The following PPP2R5E variants were observed in gnomAD, a reference collection of about 807,000 sequenced individuals.
PPP2R5E encodes protein phosphatase 2 regulatory subunit B'epsilon.
Under a neutral mutation model 65.3 loss-of-function variants are expected in PPP2R5E, and 4 were observed. That is an observed-to-expected ratio of 0.06 (90% confidence interval 0.03 to 0.14). The LOEUF (loss-of-function observed/expected upper bound fraction) is 0.14, where lower values mean the gene tolerates loss of function less well. PPP2R5E is among the 10% of genes least tolerant of loss of function. The probability of loss-of-function intolerance (pLI) is 1.00; values close to 1 mark genes in which losing one functional copy is unlikely to be tolerated. For synonymous variants in PPP2R5E, 183 were observed against 187.4 expected (o/e 0.98, Z 0.19); for missense variants, 274 against 556.1 (o/e 0.49, Z 5.10).
At position 63,372,646 on chromosome 14, in the gene PPP2R5E, C is replaced by T. The variant is rs1327687051; in HGVS notation, c.*3363G>A. On this transcript the variant is annotated 3_prime_UTR_variant, in exon 14 of 14. Transcript: ENST00000337537. ...GCCAATAACATCCATACATCCCTTT[C>T]CCATCCCACCCTCATCCCCACAAAA... is the stretch of plus-strand genomic sequence containing the variant. 1 of 152,122 alleles carries T rather than the reference C, an allele frequency of 6.6e-6. No individual in the cohort carries two copies. The highest frequency in any genetic ancestry group is 1.5e-5 in the Non-Finnish European group (1 of 68,020). 9.4% of individuals were successfully genotyped at this position (152,122 alleles called of 1,614,324 possible).
chr14:63,489,411 G>A (rs77957382), intron 2 of PPP2R5E, among the ~76,000 whole-genome samples: 14 of 103,620 alleles, frequency 1.4e-4, no homozygotes, highest in Admixed American at 8.7e-4. Context: ...TGTTGTTGTT[G>A]TTTTCTTTTT....
chr14:63,518,882 T>C lies in PPP2R5E; in HGVS notation c.157+20647A>G, dbSNP rs1161809722. 6.6e-5 allele frequency among the ~76,000 whole-genome samples: 10 copies of C among 152,092 alleles called. No individual in the cohort carries two copies. In the East Asian group the frequency reaches 1.7e-3, roughly 26 times the overall value. ...TTCTTTTATTCCTTTACTTTCTTAA[T>C]AAACTTGCTTTCACTTAAAAAAATT... On this transcript the variant is annotated intron_variant, in intron 2 of 13. Transcript: ENST00000337537.
At chr14:63,416,708 G>GA (rs981666049) in intron 4 of PPP2R5E, among the ~76,000 whole-genome samples, 11 of 143,902 alleles carry the variant, frequency 7.6e-5, no homozygotes, top group South Asian at 2.2e-4. Context: ...TTATGTTCCT[G>GA]AAAAAAAAAG....
chr14:63,459,962 T>C (rs7143816), intron 2 of PPP2R5E, among the ~76,000 whole-genome samples: 34,535 of 152,144 alleles, frequency 0.23, 4,223 homozygotes, highest in East Asian at 0.31. Context: ...TTGGCTGCTT[T>C]TAGAAATCTT....
At chr14:63,418,841 C>CTTTTTTTTTTTT (rs772740856) in intron 4 of PPP2R5E, among the ~76,000 whole-genome samples, 1 of 105,090 alleles carries the variant, frequency 9.5e-6, no homozygotes, top group Non-Finnish European at 1.9e-5. Flanking sequence ...AATTTTTTTA[C>CTTTTTTTTTTTT]TTTTTTTTTT....
At chr14:63,420,159 A>C (rs890278440) in intron 4 of PPP2R5E, among the ~76,000 whole-genome samples, 4 of 152,180 alleles carry the variant, frequency 2.6e-5, no homozygotes, top group Non-Finnish European at 5.9e-5. Flanking sequence ...TCTTCTTTCG[A>C]ATACAGAGAA....
intron 2 of PPP2R5E, among the ~76,000 whole-genome samples, chr14:63,464,220 C>T (rs1219800634): frequency 6.6e-6 from 1 of 152,136 alleles, no homozygotes; most frequent in Non-Finnish European, 1.5e-5. Context: ...GCTTTACATT[C>T]TAGCAGGAAG....
At position 63,543,028 on chromosome 14, in the gene PPP2R5E, C is replaced by T. The variant is rs1226932526; in HGVS notation, c.-257G>A. The stretch of plus-strand genomic sequence containing the variant: ...GTGGCGGCGGCGGCCTCACGATCCT[C>T]CCCCGCGGGCCCGTCCCATCAAATC... On this transcript the variant is annotated 5_prime_UTR_variant, in exon 1 of 14. Coordinates refer to ENST00000337537, the MANE Select transcript of PPP2R5E (RefSeq NM_006246.5). 2.0e-5 allele frequency: 3 copies of T among 152,736 alleles called. No individual in the cohort carries two copies. The highest frequency in any genetic ancestry group is 4.4e-5 in the Non-Finnish European group (3 of 68,506). The allele number at this position is 152,736 out of a possible 1,614,324, so 9.5% of individuals were successfully genotyped here.
intron 2 of PPP2R5E, among the ~76,000 whole-genome samples, chr14:63,478,844 C>T (rs888537173): frequency 2.6e-5 from 4 of 152,048 alleles, no homozygotes; most frequent in Admixed American, 6.6e-5. Context: ...AATCATTGGC[C>T]GGGTACGGTG....
At chr14:63,500,754 T>C (rs545122547) in intron 2 of PPP2R5E, among the ~76,000 whole-genome samples, 1 of 152,016 alleles carries the variant, frequency 6.6e-6, no homozygotes, top group African/African-American at 2.4e-5. Context: ...TGGTCCCAAC[T>C]ACTCAGGAGG....
At chr14:63,506,049 G>A (rs949641790) in intron 2 of PPP2R5E, among the ~76,000 whole-genome samples, 4 of 151,976 alleles carry the variant, frequency 2.6e-5, no homozygotes, top group South Asian at 2.1e-4. Context: ...ATGCTTCAAA[G>A]GGCACCATCA....
At chr14:63,500,711 T>C (rs1891834464) in intron 2 of PPP2R5E, among the ~76,000 whole-genome samples, 1 of 151,812 alleles carries the variant, frequency 6.6e-6, no homozygotes, top group Non-Finnish European at 1.5e-5. Context: ...ACAAGAAAAT[T>C]TTTAAAAATT....
At chr14:63,529,886 C>T (rs1594976538) in intron 2 of PPP2R5E, among the ~76,000 whole-genome samples, 4 of 152,112 alleles carry the variant, frequency 2.6e-5, no homozygotes, top group African/African-American at 7.2e-5. Context: ...CCTGGACGGA[C>T]GCACATTATG....
At chr14:63,465,784 T>C (rs1240717056) in intron 2 of PPP2R5E, among the ~76,000 whole-genome samples, 1 of 152,128 alleles carries the variant, frequency 6.6e-6, no homozygotes, top group Non-Finnish European at 1.5e-5. Flanking sequence ...AATCATAAAA[T>C]CCTAATTTGA....
chr14:63,495,749 G>A (rs1011681763), intron 2 of PPP2R5E, among the ~76,000 whole-genome samples: 2 of 151,418 alleles, frequency 1.3e-5, no homozygotes, highest in Non-Finnish European at 2.9e-5. Flanking sequence ...GGAGTGCAGT[G>A]GTGCAATCAT....
chr14:63,425,351 A>T (rs1429298078), intron 3 of PPP2R5E, among the ~76,000 whole-genome samples: 3 of 152,248 alleles, frequency 2.0e-5, no homozygotes, highest in Admixed American at 2.0e-4. Context: ...TGTAATTGAC[A>T]GGGCAAAGGT....
chr14:63,448,765 G>C (rs1426445060), intron 3 of PPP2R5E, among the ~76,000 whole-genome samples: 1 of 148,902 alleles, frequency 6.7e-6, no homozygotes. Context: ...ACTCCAGCCT[G>C]GGTGACAGAA....
At chr14:63,410,812 T>A (rs1886352008) in intron 5 of PPP2R5E, among the ~76,000 whole-genome samples, 1 of 152,206 alleles carries the variant, frequency 6.6e-6, no homozygotes, top group Non-Finnish European at 1.5e-5. Flanking sequence ...AAGCTCTCAA[T>A]GGTGGTGCTG....
chr14:63,507,858 G>A (rs1470148294), intron 2 of PPP2R5E, among the ~76,000 whole-genome samples: 2 of 151,984 alleles, frequency 1.3e-5, no homozygotes, highest in East Asian at 1.9e-4. Context: ...GATTACAGGC[G>A]TGAGCCACCG....
Sources: gnomAD v4.1 joint callset for allele counts (sites outside exome capture counted in the v4.1 genomes callset) on GRCh38, gnomAD v4.1.1 for gene constraint, MANE v1.5 for transcripts, NCBI Gene and HGNC (gene_info 2026-07-23, HGNC 2026-07-21) for gene names.